The following SLC41A3 variants were observed in gnomAD, a reference collection of about 807,000 sequenced individuals.
SLC41A3 encodes SLC41A1-like 2.
In SLC41A3, 44 loss-of-function variants were observed where a neutral mutation model predicts 45.4. The observed-to-expected ratio is 0.97, with a 90% CI of 0.76 to 1.25. SLC41A3 has a LOEUF of 1.25. Ranked by LOEUF, SLC41A3 falls within the 50% of genes most tolerant of loss-of-function variation. The pLI is 0.00. For missense variants in SLC41A3, 550 were observed against 600.6 expected (o/e 0.92, Z 0.88); for synonymous variants, 256 against 252.4 (o/e 1.01, Z -0.13).
chr3:126,024,827 CTG>C (rs1941203926), intron 5 of SLC41A3: 2 of 152,258 alleles, frequency 1.3e-5, no homozygotes. Context: ...CAGCGAACAT[CTG>C]CAAGCTGGTT....
intron 1 of SLC41A3, among the ~76,000 whole-genome samples, chr3:126,095,744 G>A (rs946540415): frequency 2.6e-5 from 4 of 152,204 alleles, no homozygotes; most frequent in African/African-American, 9.7e-5. Flanking sequence ...AACAGGCAGA[G>A]GTGCTGCACA....
chr3:126,022,244 C>T lies in SLC41A3; in HGVS notation c.745+542G>A, dbSNP rs146591036. Among the ~76,000 whole-genome samples the T allele has an allele frequency of 6.8e-3, 1,041 of 152,308 alleles. 10 individuals are homozygous for T. Among genetic ancestry groups the T allele is most frequent in the Middle Eastern group, 0.031 (9 of 294 alleles). ...AGTTTCTCCAGATAGCTGGACTCACCGCTGGTAACAATATTATCTGGATAT... is the reference window on the plus strand; with the variant it reads ...AGTTTCTCCAGATAGCTGGACTCACTGCTGGTAACAATATTATCTGGATAT... On this transcript the variant is annotated intron_variant, in intron 6 of 10. Coordinates refer to ENST00000360370, the MANE Select transcript of SLC41A3 (RefSeq NM_017836.4).
intron 3 of SLC41A3, among the ~76,000 whole-genome samples, chr3:126,033,944 C>CACACCTGCACA (rs34347953): frequency 6.6e-6 from 1 of 152,108 alleles, no homozygotes; most frequent in East Asian, 1.9e-4. Context: ...TATGACTGCA[C>CACACCTGCACA]CACCTGCACA....
chr3:126,018,394 T>A (rs1244684901), intron 6 of SLC41A3, among the ~76,000 whole-genome samples: 2 of 152,254 alleles, frequency 1.3e-5, no homozygotes, highest in Non-Finnish European at 2.9e-5. Flanking sequence ...TAGGTCATCT[T>A]ATTCTTTCTT....
intron 3 of SLC41A3, among the ~76,000 whole-genome samples, chr3:126,043,737 T>C (rs928282436): frequency 6.9e-6 from 1 of 144,814 alleles, no homozygotes; most frequent in Non-Finnish European, 1.5e-5. Flanking sequence ...TCATGGTAAC[T>C]ACAAAGAAAA....
intron 1 of SLC41A3, among the ~76,000 whole-genome samples, chr3:126,074,137 G>T (rs533531854): frequency 3.2e-4 from 48 of 152,124 alleles, no homozygotes; most frequent in South Asian, 6.3e-4. Context: ...ACTCTTTCAC[G>T]ATAAAAACAC....
chr3:126,063,047 A>G (rs1414637802), intron 2 of SLC41A3, among the ~76,000 whole-genome samples: 1 of 152,182 alleles, frequency 6.6e-6, no homozygotes, highest in Non-Finnish European at 1.5e-5. Context: ...GTGCACCATC[A>G]GAGGAGTAGC....
Position 126,022,853 on chromosome 3 carries a change from G to A in SLC41A3, c.678C>T (p.Ala226=), listed in dbSNP as rs1299430943. ...ACAGTGTGATGAGGTCTCCCAGGCTGGCTGCAATGGGCGTGGCAATGTTGT... is the reference window on the plus strand; with the variant it reads ...ACAGTGTGATGAGGTCTCCCAGGCTAGCTGCAATGGGCGTGGCAATGTTGT... ...NPDNIATPIA[A]SLGDLITLSI... The change falls in exon 6 of 11, where the codon GCC becomes GCT. Residue 226 remains alanine (A), a synonymous_variant. Transcript: ENST00000360370. 1.9e-6 allele frequency: 3 copies of A among 1,614,234 alleles called. No individual in the cohort carries two copies. The South Asian group carries it at 3.3e-5, about 18-fold the overall frequency.
intron 2 of SLC41A3, among the ~76,000 whole-genome samples, chr3:126,066,625 G>A (rs185538083): frequency 6.9e-4 from 105 of 152,252 alleles, no homozygotes; most frequent in African/African-American, 2.3e-3. Context: ...ACCACTATGC[G>A]GGAGTTCAGT....
chr3:126,058,435 C>T (rs1288708560), intron 2 of SLC41A3, among the ~76,000 whole-genome samples: 1 of 152,208 alleles, frequency 6.6e-6, no homozygotes, highest in Non-Finnish European at 1.5e-5. Flanking sequence ...AGGACTGCCA[C>T]TTCCAAGCCT....
At chr3:126,027,458 T>C (rs1334705811) in intron 4 of SLC41A3, among the ~76,000 whole-genome samples, 1 of 152,194 alleles carries the variant, frequency 6.6e-6, no homozygotes, top group African/African-American at 2.4e-5. Context: ...GCATCATGCT[T>C]CCATGCTGTA....
At position 126,015,497 on chromosome 3, in the gene SLC41A3, A is replaced by C. The variant is rs145669752; in HGVS notation, c.967T>G (p.Cys323Gly). Residue 323 changes from cysteine to glycine, a missense_variant, in exon 8 of 11, where the codon TGT (cysteine) becomes GGT (glycine). By Grantham distance (159) the Cys-to-Gly change is radical. Coordinates refer to ENST00000360370, the MANE Select transcript of SLC41A3 (RefSeq NM_017836.4). Reference protein sequence around the residue: ...KGMAIFTPVICGVGGNLVAIQ... With the variant: ...KGMAIFTPVIGGVGGNLVAIQ... ...TGGGAACCCTTCAAATACGTACCAC[A>C]TATGACGGGGGTAAATATCGCCATG... The C allele has an allele frequency of 6.2e-7, 1 of 1,614,214 alleles. No homozygotes were observed. Among genetic ancestry groups the C allele is most frequent in the East Asian group, 2.2e-5 (1 of 44,890 alleles).
intron 1 of SLC41A3, among the ~76,000 whole-genome samples, chr3:126,091,120 C>T (rs972829813): frequency 6.6e-6 from 1 of 152,194 alleles, no homozygotes; most frequent in Non-Finnish European, 1.5e-5. Context: ...TACATTTGAA[C>T]TTGGCCTTAC....
rs1351227341 is a variant in SLC41A3, at chr3:126,030,558, CCTGTT to C, written c.453+3044_453+3048del. Among the ~76,000 whole-genome samples, 4 of 152,114 alleles carry C rather than the reference CCTGTT, an allele frequency of 2.6e-5. No homozygotes were observed. In the East Asian group the frequency reaches 5.8e-4, roughly 22 times the overall value. On this transcript the variant is annotated intron_variant, in intron 4 of 10. Coordinates refer to ENST00000360370, the MANE Select transcript of SLC41A3 (RefSeq NM_017836.4). ...GTTGTCTTATTTTCTACTGGGGTCT[CCTGTT>C]CTGAGCACAGAGCCTGGCACTCTGC...
At chr3:126,073,970 C>T (rs1244808184) in intron 1 of SLC41A3, among the ~76,000 whole-genome samples, 1 of 152,048 alleles carries the variant, frequency 6.6e-6, no homozygotes, top group African/African-American at 2.4e-5. Context: ...GCCACTAGTA[C>T]ATACAAAGAC....
intron 1 of SLC41A3, among the ~76,000 whole-genome samples, chr3:126,077,916 G>A (rs376326159): frequency 2.0e-5 from 3 of 152,326 alleles, no homozygotes; most frequent in African/African-American, 4.8e-5. Context: ...GAGGCATCTC[G>A]AGTTGGCGGC....
intron 2 of SLC41A3, 133 bp downstream of exon 2, chr3:126,067,814 A>T: frequency 6.2e-6 from 7 of 1,137,738 alleles, no homozygotes; most frequent in Non-Finnish European, 8.6e-6. Flanking sequence ...CTTGCCCAAT[A>T]TATAGAAAAA....
Position 126,006,621 on chromosome 3 carries a change from A to G in SLC41A3, c.*395T>C, listed in dbSNP as rs1292167032. ...AGAGTTCTGAGGCTTGGGAACAGAA[A>G]AGAGCTCCTTCCTGCTCCACCCCAA... On this transcript the variant is annotated 3_prime_UTR_variant, in exon 11 of 11. Transcript: ENST00000360370. 6.4e-7 allele frequency: 1 copy of G among 1,556,656 alleles called. No individual in the cohort carries two copies. Among genetic ancestry groups the G allele is most frequent in the Non-Finnish European group, 8.6e-7 (1 of 1,158,730 alleles).
chr3:126,059,098 G>T lies in SLC41A3; in HGVS notation c.274-8048C>A, dbSNP rs78011935. Among the ~76,000 whole-genome samples, 518 of 151,362 alleles carry T rather than the reference G, an allele frequency of 3.4e-3. 8 individuals carry two copies. In the East Asian group the frequency reaches 0.048, roughly 14 times the overall value. ...TGAGAACAGAGCCCTTCTCACTGCT[G>T]CAATCTTGGGGCTTCTCCATGGCTC... On this transcript the variant is annotated intron_variant, in intron 2 of 10. Transcript: ENST00000360370.
Sources: allele counts gnomAD v4.1 joint callset (sites outside exome capture counted in the v4.1 genomes callset), GRCh38; gene constraint gnomAD v4.1.1; transcripts MANE v1.5; gene names NCBI Gene and HGNC (gene_info 2026-07-23, HGNC 2026-07-21).